NAV2: variants seen among roughly 807,000 people sequenced by gnomAD.
The protein encoded by NAV2 is helicase, APC down-regulated 1.
NAV2 carries 54 observed loss-of-function variants against 223.2 expected under a neutral mutation model. That is an observed-to-expected ratio of 0.24 (90% CI 0.19 to 0.30). NAV2 has a LOEUF of 0.30. Among genes scored for constraint, NAV2 ranks in the 10% least tolerant of loss-of-function variants. The pLI is 1.00. For missense variants in NAV2, 2,806 were observed against 3,147.5 expected (o/e 0.89, Z 2.60); for synonymous variants, 1,279 against 1,239.3 (o/e 1.03, Z -0.67).
intron 1 of NAV2, among the ~76,000 whole-genome samples, chr11:19,512,953 G>A (rs963252887): frequency 1.9e-4 from 29 of 152,308 alleles, no homozygotes; most frequent in African/African-American, 6.7e-4. Flanking sequence ...TGAGATATGT[G>A]AGAACTTTGC....
intron 2 of NAV2, among the ~76,000 whole-genome samples, chr11:19,836,586 C>T (rs961921459): frequency 7.3e-5 from 11 of 151,372 alleles, no homozygotes; most frequent in Admixed American, 1.3e-4. Context: ...AAAAAAGCTC[C>T]GATCTGATGA....
intron 1 of NAV2, among the ~76,000 whole-genome samples, chr11:19,443,355 G>C (rs1482252713): frequency 6.6e-6 from 1 of 152,122 alleles, no homozygotes; most frequent in Non-Finnish European, 1.5e-5. Flanking sequence ...TATACAGTCA[G>C]CTCTCCATGG....
intron 1 of NAV2, among the ~76,000 whole-genome samples, chr11:19,689,214 C>A (rs917886245): frequency 1.3e-5 from 2 of 152,212 alleles, no homozygotes; most frequent in African/African-American, 4.8e-5. Context: ...CTGAGCCAAG[C>A]CTCAGCCAGT....
In NAV2 at chr11:19,684,663, C is replaced by A. The variant is rs73426651; in HGVS notation, c.76-147821C>A. 4.5e-3 allele frequency among the ~76,000 whole-genome samples: 685 copies of A among 152,292 alleles called. 1 individual carries two copies. The highest frequency in any genetic ancestry group is 0.015 in the African/African-American group (643 of 41,562). Reference sequence around the variant, plus strand: ...ACTTCCAGATCACTCAAGGCCCCCCCACACTGCAAGCCCAGTGCCAACCCC... The same window carrying A: ...ACTTCCAGATCACTCAAGGCCCCCCAACACTGCAAGCCCAGTGCCAACCCC... On this transcript the variant is annotated intron_variant, in intron 1 of 37. Transcript: ENST00000360655.
intron 1 of NAV2, among the ~76,000 whole-genome samples, chr11:19,739,954 AG>A (rs1455441728): frequency 1.3e-5 from 2 of 152,100 alleles, no homozygotes; most frequent in Non-Finnish European, 2.9e-5. Flanking sequence ...AGGACAGTGG[AG>A]GGGAAACTGT....
In NAV2 at chr11:19,939,837, G is replaced by T. The variant is rs2046251678; in HGVS notation, c.2146+64G>T. ...TGAGGCCTTCCACGCAATACCTGCT[G>T]GAACAGCATGAACCCAGCTTGATTA... On this transcript the variant is annotated intron_variant, in intron 8 of 37. Coordinates refer to ENST00000349880, the MANE Select transcript of NAV2 (RefSeq NM_145117.5). 4.3e-6 allele frequency: 5 copies of T among 1,168,784 alleles called. No individual in the cohort carries two copies. In the Admixed American group the frequency reaches 9.5e-5, roughly 22 times the overall value. The allele number at this position is 1,168,784 out of a possible 1,614,324, so 72.4% of individuals were successfully genotyped here. A position where few individuals can be genotyped will look rare whatever the true frequency, so the allele number is the denominator to read the frequency against.
At chr11:19,638,862 G>A (rs139772596) in intron 1 of NAV2, among the ~76,000 whole-genome samples, 4,409 of 152,138 alleles carry the variant, frequency 0.029, 189 homozygotes, top group African/African-American at 0.091. Flanking sequence ...GCGTGGTGGC[G>A]CACACCTGTA....
At chr11:20,027,002 G>A (rs1370877287) in intron 11 of NAV2, among the ~76,000 whole-genome samples, 1 of 152,186 alleles carries the variant, frequency 6.6e-6, no homozygotes, top group Non-Finnish European at 1.5e-5. Context: ...GTTAGCACAG[G>A]GGCTGACAAC....
intron 11 of NAV2, chr11:20,023,084 TC>T: frequency 6.4e-7 from 1 of 1,551,808 alleles, no homozygotes; most frequent in South Asian, 1.2e-5. Context: ...TCCGCTGTTC[TC>T]CAAGGGCCGC....
intron 1 of NAV2, among the ~76,000 whole-genome samples, chr11:19,393,270 A>G (rs1849316867): frequency 6.6e-6 from 1 of 152,136 alleles, no homozygotes; most frequent in South Asian, 2.1e-4. Flanking sequence ...CATTCTTCTC[A>G]TGCTGTTGAC....
At chr11:19,487,918 G>C (rs2042500025) in intron 1 of NAV2, among the ~76,000 whole-genome samples, 1 of 152,148 alleles carries the variant, frequency 6.6e-6, no homozygotes, top group Admixed American at 6.6e-5. Flanking sequence ...GACACAAACT[G>C]TTGTTGCTCC....
rs1480103310 is a variant in NAV2 at position 19,638,972 on chromosome 11, GA to G, written c.76-193511del. ...CGTGCCACTGCACTCCAGCTTGGGTGACAGAGCAAGACTCTGTTTCAAATAA... is the reference window on the plus strand; with the variant it reads ...CGTGCCACTGCACTCCAGCTTGGGTGCAGAGCAAGACTCTGTTTCAAATAA... On this transcript the variant is annotated intron_variant, in intron 1 of 37. Coordinates refer to the NAV2 transcript ENST00000360655. 2.6e-5 allele frequency among the ~76,000 whole-genome samples: 4 copies of G among 152,180 alleles called. No homozygotes were observed. The East Asian group carries it at 7.7e-4, about 29-fold the overall frequency.
intron 1 of NAV2, among the ~76,000 whole-genome samples, chr11:19,456,763 G>GCT (rs1851971377): frequency 6.6e-6 from 1 of 152,198 alleles, no homozygotes; most frequent in Non-Finnish European, 1.5e-5. Context: ...CAGAGCTCAT[G>GCT]CTCTCTACCC....
intron 10 of NAV2, among the ~76,000 whole-genome samples, chr11:19,952,317 G>A (rs750680753): frequency 2.6e-5 from 4 of 152,184 alleles, no homozygotes; most frequent in Non-Finnish European, 5.9e-5. Flanking sequence ...GCTCTGTGAC[G>A]TTAGGCATGT....
chr11:19,605,675 G>A (rs565954437), intron 1 of NAV2, among the ~76,000 whole-genome samples: 1 of 152,222 alleles, frequency 6.6e-6, no homozygotes, highest in Admixed American at 6.5e-5. Context: ...CCTGGCATAG[G>A]CAGCCGCACT....
At chr11:19,553,982 GGCT>G (rs2044779179) in intron 1 of NAV2, among the ~76,000 whole-genome samples, 2 of 152,242 alleles carry the variant, frequency 1.3e-5, no homozygotes, top group African/African-American at 4.8e-5. Flanking sequence ...TAGAAAAAGA[GGCT>G]GCTTTCTGTT....
intron 16 of NAV2, among the ~76,000 whole-genome samples, chr11:20,050,847 T>C (rs1564933414): frequency 6.6e-6 from 1 of 152,182 alleles, no homozygotes; most frequent in Non-Finnish European, 1.5e-5. Flanking sequence ...GTTCTCCCAT[T>C]TGAAGTCATT....
intron 1 of NAV2, among the ~76,000 whole-genome samples, chr11:19,650,218 T>C (rs112459271): frequency 5.3e-5 from 8 of 152,132 alleles, no homozygotes; most frequent in Non-Finnish European, 1.0e-4. Flanking sequence ...GGCACCCTTA[T>C]AAGAGAAAAA....
At chr11:19,381,920 A>G (rs376440393) in intron 1 of NAV2, among the ~76,000 whole-genome samples, 3 of 152,176 alleles carry the variant, frequency 2.0e-5, no homozygotes, top group Non-Finnish European at 4.4e-5. Context: ...AAGCCACCAG[A>G]CAGGACCTGG....
Sources: allele counts gnomAD v4.1 joint callset (sites outside exome capture counted in the v4.1 genomes callset), GRCh38; gene constraint gnomAD v4.1.1; transcripts MANE v1.5; gene names NCBI Gene and HGNC (gene_info 2026-07-23, HGNC 2026-07-21).